The following OSGIN1 variants were observed in gnomAD, a reference collection of about 807,000 sequenced individuals.
OSGIN1 encodes the protein oxidative stress induced growth inhibitor 1.
In OSGIN1, 19 loss-of-function variants were observed where a neutral mutation model predicts 20.1. The ratio of observed to expected loss-of-function variants is 0.95; its 90% CI spans 0.66 to 1.39. The LOEUF is 1.39. Ranked by LOEUF, OSGIN1 falls within the 40% of genes most tolerant of loss-of-function variation. The pLI is 0.00. For synonymous variants in OSGIN1, 368 were observed against 297.8 expected (o/e 1.24, Z -2.43); for missense variants, 820 against 653.0 (o/e 1.26, Z -2.79).
Position 83,961,064 on chromosome 16 carries a change from G to A in OSGIN1, c.480G>A (p.Lys160=), listed in dbSNP as rs762615804. The A allele has an allele frequency of 5.0e-6, 8 of 1,613,364 alleles. No individual in the cohort carries two copies. Among genetic ancestry groups the A allele is most frequent in the Admixed American group, 1.7e-5 (1 of 60,026 alleles). Residue 160 remains lysine, a synonymous_variant, in exon 5 of 6, where the codon AAG becomes AAA. Coordinates refer to ENST00000393306, the MANE Select transcript of OSGIN1 (RefSeq NM_182981.3). ...PDLEVKDWMQ[K]KRRGLRNSRA... Reference sequence around the variant, plus strand: ...TGGAGGTCAAGGACTGGATGCAGAAGAAGCGAAGGTGAGGCCGCCCCGGAA... The same window carrying A: ...TGGAGGTCAAGGACTGGATGCAGAAAAAGCGAAGGTGAGGCCGCCCCGGAA...
chr16:83,966,046 A>T lies in OSGIN1; in HGVS notation c.*39A>T. 2 of 1,424,842 alleles carry T rather than the reference A, an allele frequency of 1.4e-6. No homozygotes were observed. Among genetic ancestry groups the T allele is most frequent in the African/African-American group, 1.4e-5 (1 of 69,926 alleles). 88.3% of individuals were successfully genotyped at this position (1,424,842 alleles called of 1,614,324 possible). A position where few individuals can be genotyped will look rare whatever the true frequency, so the allele number is the denominator to read the frequency against. On this transcript the variant is annotated 3_prime_UTR_variant, in exon 6 of 6. Coordinates refer to ENST00000393306, the MANE Select transcript of OSGIN1 (RefSeq NM_182981.3). ...CCGCTGGCTCCCAGGCCCTGAGAGG[A>T]CAGAGATGACCACATCCCTGCTGGA... is the stretch of plus-strand genomic sequence containing the variant.
Position 83,965,281 on chromosome 16 carries a change from G to C in OSGIN1, c.708G>C (p.Ser236=), listed in dbSNP as rs369018666. 1 of 1,604,872 alleles carries C rather than the reference G, an allele frequency of 6.2e-7. No homozygotes were observed. The highest frequency in any genetic ancestry group is 8.5e-7 in the Non-Finnish European group (1 of 1,174,938). Reference sequence around the variant, plus strand: ...GGAACCAGGCCCAGCAGCCCTTCTCGCTGTGGGCCCGCAACGTGGTCCTCG... The same window carrying C: ...GGAACCAGGCCCAGCAGCCCTTCTCCCTGTGGGCCCGCAACGTGGTCCTCG... ...LTRNQAQQPF[S]LWARNVVLAT... The change falls in exon 6 of 6, where the codon TCG becomes TCC. Residue 236 remains serine, a synonymous_variant. Transcript: ENST00000393306.
chr16:83,957,560 C>G, intron 1 of OSGIN1, 80 bp from the exon 2 acceptor site: 1 of 761,606 alleles, frequency 1.3e-6, no homozygotes. Context: ...GGAGGCCACC[C>G]TAGCTGGGAG....
intron 1 of OSGIN1, among the ~76,000 whole-genome samples, chr16:83,955,340 C>T (rs1373922455): frequency 6.6e-6 from 1 of 152,220 alleles, no homozygotes; most frequent in East Asian, 1.9e-4. Flanking sequence ...GTCCCTCTGC[C>T]TCCCCGCCTG....
At position 83,966,217 on chromosome 16, in the gene OSGIN1, T is replaced by C. The variant is rs2084278722; in HGVS notation, c.*210T>C. ...CAGCGGCCGCAGGCCAGGGTTGGCC[T>C]AGACCTGGGATTTGTGGGGAAAGCT... is the stretch of plus-strand genomic sequence containing the variant. On this transcript the variant is annotated 3_prime_UTR_variant, in exon 6 of 6. Transcript: ENST00000393306. 5 of 563,098 alleles carry C rather than the reference T, an allele frequency of 8.9e-6. No individual in the cohort carries two copies. The East Asian group carries it at 1.5e-4, about 16-fold the overall frequency. 34.9% of individuals were successfully genotyped at this position (563,098 alleles called of 1,614,324 possible).
At position 83,960,616 on chromosome 16, in the gene OSGIN1, C is replaced by T. The variant is rs773034598; in HGVS notation, c.252C>T (p.Pro84=). 3.9e-5 allele frequency: 63 copies of T among 1,613,376 alleles called. No homozygotes were observed. The highest frequency in any genetic ancestry group is 4.9e-5 in the Non-Finnish European group (58 of 1,180,038). Residue 84 remains proline, a synonymous_variant, in exon 4 of 6, where the codon CCC becomes CCT. Coordinates refer to ENST00000393306, the MANE Select transcript of OSGIN1 (RefSeq NM_182981.3). The part of the protein sequence containing the change: ...SEGLEGRSQS[P]VALLFDALLR... ...GCCTCGAAGGCCGATCCCAAAGCCC[C>T]GTGGCCCTGCTCTTTGATGCCCTTC...
chr16:83,955,593 G>A (rs1908888314), intron 1 of OSGIN1, among the ~76,000 whole-genome samples: 1 of 152,190 alleles, frequency 6.6e-6, no homozygotes, highest in Non-Finnish European at 1.5e-5. Context: ...ATTAAATAAG[G>A]ATTCAATTTG....
rs140495749 is a variant in OSGIN1 at position 83,965,621 on chromosome 16, C to T, written c.1048C>T (p.Leu350=). ...VHQMMREQSI[L]SPSPYEGYRS... Reference sequence around the variant, plus strand: ...CCAGATGATGCGGGAGCAGTCCATCCTGTCGCCCAGCCCCTATGAGGGTTA... The same window carrying T: ...CCAGATGATGCGGGAGCAGTCCATCTTGTCGCCCAGCCCCTATGAGGGTTA... The change falls in exon 6 of 6, where the codon CTG becomes TTG. Residue 350 remains leucine, a synonymous_variant. Transcript: ENST00000393306. The T allele has an allele frequency of 4.3e-6, 7 of 1,613,070 alleles. No homozygotes were observed. In the East Asian group the frequency reaches 1.1e-4, roughly 26 times the overall value.
intron 2 of OSGIN1, among the ~76,000 whole-genome samples, chr16:83,958,051 AT>A (rs1489407427): frequency 2.0e-5 from 3 of 151,786 alleles, no homozygotes; most frequent in Non-Finnish European, 4.4e-5. Context: ...TAACTTTTGT[AT>A]TTTTAGTAGA....
chr16:83,960,557 GC>G lies in OSGIN1; in HGVS notation c.205-6del, dbSNP rs1909155117. On this transcript the variant is annotated splice_polypyrimidine_tract_variant and intron_variant, in intron 3 of 5. Coordinates refer to ENST00000393306, the MANE Select transcript of OSGIN1 (RefSeq NM_182981.3). ...TCCTCCAGCAGCCCCTCTGACCTAT[GC>G]CCCCCTCCAGGACCTGGACTACCTG... The G allele has an allele frequency of 3.1e-6, 5 of 1,610,598 alleles. No individual in the cohort carries two copies. Among genetic ancestry groups the G allele is most frequent in the South Asian group, 2.2e-5 (2 of 90,904 alleles).
At chr16:83,959,436 C>A (rs768613308) in intron 3 of OSGIN1, 40 bp downstream of exon 3, 6 of 1,548,276 alleles carry the variant, frequency 3.9e-6, no homozygotes, top group Non-Finnish European at 5.2e-6. Flanking sequence ...TAGTACATAC[C>A]CGCCCTTGGA....
chr16:83,960,098 T>C (rs1396945758), intron 3 of OSGIN1, among the ~76,000 whole-genome samples: 5 of 152,246 alleles, frequency 3.3e-5, no homozygotes, highest in South Asian at 2.1e-4. Flanking sequence ...GATCAGCATT[T>C]TTCAAAGTGC....
At chr16:83,961,657 A>C (rs1009106124) in intron 5 of OSGIN1, among the ~76,000 whole-genome samples, 1 of 152,178 alleles carries the variant, frequency 6.6e-6, no homozygotes, top group Non-Finnish European at 1.5e-5. Flanking sequence ...TGAGGCTCAG[A>C]TAGGGAAAGG....
rs1215015075 is a variant in OSGIN1, at chr16:83,966,059, C to G, written c.*52C>G. The G allele has an allele frequency of 1.5e-6, 2 of 1,362,288 alleles. No individual in the cohort carries two copies. The highest frequency in any genetic ancestry group is 2.9e-5 in the African/African-American group (2 of 68,462). 84.4% of individuals were successfully genotyped at this position (1,362,288 alleles called of 1,614,324 possible). A position where few individuals can be genotyped will look rare whatever the true frequency, so the allele number is the denominator to read the frequency against. On this transcript the variant is annotated 3_prime_UTR_variant, in exon 6 of 6. Coordinates refer to ENST00000393306, the MANE Select transcript of OSGIN1 (RefSeq NM_182981.3). ...GGCCCTGAGAGGACAGAGATGACCACATCCCTGCTGGATGCAGGACCCGTC... is the reference window on the plus strand; with the variant it reads ...GGCCCTGAGAGGACAGAGATGACCAGATCCCTGCTGGATGCAGGACCCGTC...
intron 1 of OSGIN1, among the ~76,000 whole-genome samples, chr16:83,955,810 G>A (rs1359357842): frequency 6.6e-6 from 1 of 152,134 alleles, no homozygotes; most frequent in Non-Finnish European, 1.5e-5. Context: ...TGTGGTCCCT[G>A]GTGACTGCAG....
At chr16:83,963,856 C>T (rs761350165) in intron 5 of OSGIN1, among the ~76,000 whole-genome samples, 10 of 148,870 alleles carry the variant, frequency 6.7e-5, no homozygotes, top group East Asian at 1.9e-4. Flanking sequence ...GTCATTCAAC[C>T]GCCACAAGAA....
chr16:83,963,430 T>C (rs2084238613), intron 5 of OSGIN1, among the ~76,000 whole-genome samples: 1 of 152,150 alleles, frequency 6.6e-6, no homozygotes. Flanking sequence ...GCCTTGGGCT[T>C]AGACGTCAGA....
At chr16:83,961,983 C>G (rs1298573705) in intron 5 of OSGIN1, among the ~76,000 whole-genome samples, 1 of 141,532 alleles carries the variant, frequency 7.1e-6, no homozygotes, top group Non-Finnish European at 1.5e-5. Context: ...TTTTTTAATG[C>G]TTTTGCTACA....
chr16:83,964,999 T>TACCA, intron 5 of OSGIN1, 63 bp from the exon 6 acceptor site: 1 of 645,914 alleles, frequency 1.5e-6, no homozygotes, highest in Non-Finnish European at 2.7e-6. Context: ...ACATCTCCCG[T>TACCA]CCCACCCAGC....
Sources: gnomAD v4.1 joint callset for allele counts (sites outside exome capture counted in the v4.1 genomes callset) on GRCh38, gnomAD v4.1.1 for gene constraint, MANE v1.5 for transcripts, NCBI Gene and HGNC (gene_info 2026-07-23, HGNC 2026-07-21) for gene names.